Variants in CXCR6 observed in about 807,000 individuals in gnomAD.
CXCR6 encodes C-X-C chemokine receptor type 6.
In CXCR6, 3 loss-of-function variants were observed where a neutral mutation model predicts 1.6. The observed-to-expected ratio is 1.83, with a 90% CI of 0.83 to 4.72. The LOEUF (loss-of-function observed/expected upper bound fraction) is 4.72, where lower values mean the gene tolerates loss of function less well. Among genes scored for constraint, CXCR6 ranks in the 30% most tolerant of loss-of-function variants. The probability of loss-of-function intolerance (pLI) is 0.02; values close to 1 mark genes in which losing one functional copy is unlikely to be tolerated. For missense variants in CXCR6, 326 were observed against 414.8 expected, an observed-to-expected ratio of 0.79 and a Z score of 1.86; for synonymous variants, 171 against 159.2, an observed-to-expected ratio of 1.07 and a Z score of -0.56.
rs766963974 is a variant in CXCR6 at position 45,947,438 on chromosome 3, ATCT to A, written c.961_963del (p.Ser321del). ...ACCTTGGGGTCTCACATCAATGGAAATCTTCTGAGGACAATTCCAAGACTTTTT... is the reference window on the plus strand; with the variant it reads ...ACCTTGGGGTCTCACATCAATGGAAATCTGAGGACAATTCCAAGACTTTTT... On this transcript the variant is annotated inframe_deletion, in exon 2 of 2. Coordinates refer to ENST00000304552, the MANE Select transcript of CXCR6 (RefSeq NM_006564.2). 6 of 1,614,174 alleles carry A rather than the reference ATCT, an allele frequency of 3.7e-6. No individual in the cohort carries two copies. The highest frequency in any genetic ancestry group is 2.2e-5 in the South Asian group (2 of 91,084).
In CXCR6 at chr3:45,946,276, C is replaced by G. The variant is rs985368903; in HGVS notation, c.-21-185C>G. On this transcript the variant is annotated intron_variant, in intron 1 of 1. Transcript: ENST00000304552. ...TTCAGGCTAATGGAGAGTCCTCATC[C>G]TGTCTGAGCAATTTCCCCTCAGAAT... 7.2e-6 allele frequency: 4 copies of G among 556,646 alleles called. No individual in the cohort carries two copies. The African/African-American group carries it at 7.5e-5, about 10-fold the overall frequency. 34.5% of individuals were successfully genotyped at this position (556,646 alleles called of 1,614,324 possible).
At chr3:45,941,316 C>T (rs1444226361), upstream of CXCR6, 2 of 152,196 alleles carry the variant, frequency 1.3e-5, no homozygotes, top group Admixed American at 6.5e-5. Context: ...AGCAGGCCAA[C>T]AGTCTGACTT....
rs1351328264 is a variant in CXCR6 at position 45,947,327 on chromosome 3, C to A, written c.846C>A (p.Cys282Ter). 1.6e-5 allele frequency: 26 copies of A among 1,614,070 alleles called. No individual in the cohort carries two copies. Among genetic ancestry groups the A allele is most frequent in the South Asian group, 2.2e-5 (2 of 91,088 alleles). The change falls in exon 2 of 2, where the codon TGC (cysteine) becomes TGA (stop). Residue 282 changes from cysteine to a stop codon, truncating the protein, a stop_gained. Transcript: ENST00000304552. LOFTEE classifies it high-confidence loss of function. ...AGGCCATCGCATACCTGAGGGCCTG[C>A]CTTAACCCTGTGCTCTATGCCTTTG... ...VTEAIAYLRA[C>*]LNPVLYAFVS...
At chr3:45,941,583 G>T (rs1451749419), upstream of CXCR6, among the ~76,000 whole-genome samples, 1 of 152,216 alleles carries the variant, frequency 6.6e-6, no homozygotes, top group African/African-American at 2.4e-5. Flanking sequence ...AAGTGGCTCA[G>T]CTCCTCAAAT....
Position 45,947,638 on chromosome 3 carries a change from G to C in CXCR6, c.*128G>C. 1.4e-6 allele frequency: 1 copy of C among 716,004 alleles called. No homozygotes were observed. Among genetic ancestry groups the C allele is most frequent in the Non-Finnish European group, 2.4e-6 (1 of 421,430 alleles). The allele number at this position is 716,004 out of a possible 1,614,324, so 44.4% of individuals were successfully genotyped here. On this transcript the variant is annotated 3_prime_UTR_variant, in exon 2 of 2. Transcript: ENST00000304552. ...GGAGAAGTTATCAGACACTCTGGCT[G>C]GTTTGGAATGCTTCTTCTCAGGCAT...
intron 1 of CXCR6, chr3:45,944,966 A>G (rs1222942979): frequency 1.3e-5 from 2 of 152,192 alleles, no homozygotes; most frequent in African/African-American, 4.8e-5. Context: ...CAGGATGTCT[A>G]CTGGCTGACC....
chr3:45,947,475 C>T lies in CXCR6; in HGVS notation c.994C>T (p.His332Tyr). ...EDNSKTFSAS[H>Y]NVEATSMFQL ...CAATTCCAAGACTTTTTCTGCCTCC[C>T]ACAATGTGGAGGCCACCAGCATGTT... The change falls in exon 2 of 2, where the codon CAC becomes TAC. Residue 332 changes from histidine (H) to tyrosine (Y), a missense_variant. His to Tyr is a moderately conservative substitution (Grantham distance 83, BLOSUM62 2). Coordinates refer to ENST00000304552, the MANE Select transcript of CXCR6 (RefSeq NM_006564.2). The T allele has an allele frequency of 6.2e-7, 1 of 1,613,906 alleles. No individual in the cohort carries two copies. Among genetic ancestry groups the T allele is most frequent in the East Asian group, 2.2e-5 (1 of 44,872 alleles).
rs1204134292 is a variant in CXCR6 at position 45,946,768 on chromosome 3, T to G, written c.287T>G (p.Val96Gly). 6.2e-7 allele frequency: 1 copy of G among 1,614,148 alleles called. No individual in the cohort carries two copies. Among genetic ancestry groups the G allele is most frequent in the African/African-American group, 1.3e-5 (1 of 75,038 alleles). ...GCCTATGCAGGCATCCATGAATGGG[T>G]GTTTGGCCAGGTCATGTGCAAGAGC... Reference protein sequence around the residue: ...FWAYAGIHEWVFGQVMCKSLL... With the variant: ...FWAYAGIHEWGFGQVMCKSLL... Residue 96 changes from valine (V) to glycine (G), a missense_variant, in exon 2 of 2, where the codon GTG (valine) becomes GGG (glycine). By Grantham distance (109) the Val-to-Gly change is moderately radical. Transcript: ENST00000304552.
upstream of CXCR6, among the ~76,000 whole-genome samples, chr3:45,942,289 G>A (rs1704275726): frequency 6.6e-6 from 1 of 152,212 alleles, no homozygotes; most frequent in African/African-American, 2.4e-5. Context: ...TCTTCTGTTT[G>A]CCTATCTGTA....
At position 45,947,885 on chromosome 3, in the gene CXCR6, G is replaced by A. The variant is rs1704737729; in HGVS notation, c.*375G>A. The A allele has an allele frequency of 4.2e-6, 1 of 236,190 alleles. No individual in the cohort carries two copies. The highest frequency in any genetic ancestry group is 5.2e-5 in the Admixed American group (1 of 19,314). 14.6% of individuals were successfully genotyped at this position (236,190 alleles called of 1,614,324 possible). On this transcript the variant is annotated 3_prime_UTR_variant, in exon 2 of 2. Transcript: ENST00000304552. ...GTTGATGGTAGGTGGCACACTGGGT[G>A]CCCAAGCTCAGAAGGCTCTTCTGAC... is the stretch of plus-strand genomic sequence containing the variant.
At chr3:45,944,229 C>T (rs1056154383) in intron 1 of CXCR6, among the ~76,000 whole-genome samples, 1 of 151,440 alleles carries the variant, frequency 6.6e-6, no homozygotes, top group East Asian at 1.9e-4. Context: ...TATATATATA[C>T]ATTATTTCTG....
chr3:45,945,007 G>T (rs1361420102), intron 1 of CXCR6: 1 of 152,120 alleles, frequency 6.6e-6, no homozygotes, highest in Non-Finnish European at 1.5e-5. Context: ...CAATTGTGAC[G>T]TAAGGGCAAG....
At position 45,946,893 on chromosome 3, in the gene CXCR6, T is replaced by G; in HGVS notation, c.412T>G (p.Tyr138Asp). Residue 138 changes from tyrosine (Y) to aspartate (D), a missense_variant, in exon 2 of 2, where the codon TAC (tyrosine) becomes GAC (aspartate). Physicochemically the swap from Tyr to Asp is radical, Grantham distance 160 (BLOSUM62 -3). Coordinates refer to ENST00000304552, the MANE Select transcript of CXCR6 (RefSeq NM_006564.2). Reference sequence around the variant, plus strand: ...TGTAGTGGTTAAGGCCACCAAGGCCTACAACCAGCAAGCCAAGAGGATGAC... The same window carrying G: ...TGTAGTGGTTAAGGCCACCAAGGCCGACAACCAGCAAGCCAAGAGGATGAC... ...FIVVVKATKA[Y>D]NQQAKRMTWG... The G allele has an allele frequency of 6.2e-7, 1 of 1,614,238 alleles. No individual in the cohort carries two copies. The highest frequency in any genetic ancestry group is 8.5e-7 in the Non-Finnish European group (1 of 1,180,036).
chr3:45,945,639 A>G (rs1704544296), intron 1 of CXCR6: 9 of 152,168 alleles, frequency 5.9e-5, no homozygotes. Context: ...GGGGAAATCT[A>G]CCTTTTAAGA....
upstream of CXCR6, chr3:45,941,272 T>C (rs1306805207): frequency 2.0e-5 from 3 of 152,238 alleles, no homozygotes; most frequent in African/African-American, 7.2e-5. Flanking sequence ...ATCCTGGAAC[T>C]GATAACAGCT....
chr3:45,942,964 C>G (rs1704322800), upstream of CXCR6, among the ~76,000 whole-genome samples: 1 of 152,158 alleles, frequency 6.6e-6, no homozygotes, highest in Admixed American at 6.5e-5. Flanking sequence ...CAGTTTCTAG[C>G]TGTGTGCACC....
In CXCR6 at chr3:45,947,415, C is replaced by T. The variant is rs1313521616; in HGVS notation, c.934C>T (p.Leu312Phe). 6.2e-7 allele frequency: 1 copy of T among 1,614,220 alleles called. No homozygotes were observed. The highest frequency in any genetic ancestry group is 8.5e-7 in the Non-Finnish European group (1 of 1,180,026). The stretch of plus-strand genomic sequence containing the variant: ...GAAGGACATTGGTTGCCTCCCTTAC[C>T]TTGGGGTCTCACATCAATGGAAATC... ...LVKDIGCLPY[L>F]GVSHQWKSSE... is the part of the protein sequence containing the mutation. Residue 312 changes from leucine (L) to phenylalanine (F), a missense_variant, in exon 2 of 2, where the codon CTT becomes TTT. Transcript: ENST00000304552.
chr3:45,942,412 A>G (rs1412234911), upstream of CXCR6, among the ~76,000 whole-genome samples: 2 of 152,150 alleles, frequency 1.3e-5, no homozygotes, highest in African/African-American at 2.4e-5. Context: ...CCTGCTCCCA[A>G]TGCTTGACAT....
At position 45,946,586 on chromosome 3, in the gene CXCR6, CT is replaced by C. The variant is rs1228936752; in HGVS notation, c.106del (p.Cys36AlafsTer30). ...FLQFSKVFLP[C>X]MYLVVFVCGL... ...TGCAGTTCAGCAAGGTCTTTCTGCC[CT>C]GCATGTACCTGGTGGTGTTTGTCTG... On this transcript the variant is annotated frameshift_variant, in exon 2 of 2. Coordinates refer to ENST00000304552, the MANE Select transcript of CXCR6 (RefSeq NM_006564.2). LOFTEE classifies it low-confidence loss of function (END_TRUNC). 6.2e-7 allele frequency: 1 copy of C among 1,614,192 alleles called. No homozygotes were observed. Among genetic ancestry groups the C allele is most frequent in the Non-Finnish European group, 8.5e-7 (1 of 1,180,042 alleles).
Sources: allele counts gnomAD v4.1 joint callset (sites outside exome capture counted in the v4.1 genomes callset), GRCh38; gene constraint gnomAD v4.1.1; transcripts MANE v1.5; gene names NCBI Gene and HGNC (gene_info 2026-07-23, HGNC 2026-07-21).